The following ARMC2 variants were observed in gnomAD, a reference collection of about 807,000 sequenced individuals.
ARMC2 encodes the protein armadillo repeat containing 2.
A neutral mutation model predicts 90.3 loss-of-function variants in ARMC2; 67 were observed. The observed-to-expected ratio is 0.74, with a 90% CI of 0.61 to 0.91. The LOEUF is 0.91. Among genes scored for constraint, ARMC2 ranks in the 40% least tolerant of loss-of-function variants. ARMC2 has a pLI of 0.00. For missense variants in ARMC2, 920 were observed against 1,030.9 expected, an observed-to-expected ratio of 0.89 and a Z score of 1.47; for synonymous variants, 393 against 393.0, an observed-to-expected ratio of 1.00 and a Z score of 0.00.
chr6:109,026,861 A>G, the ARMC2 span, among the ~76,000 whole-genome samples: 2 of 152,016 alleles, frequency 1.3e-5, no homozygotes, highest in East Asian at 1.9e-4. Context: ...ACCATTTTAT[A>G]TTATCACCCA....
At chr6:109,039,284 A>T in the ARMC2 span, among the ~76,000 whole-genome samples, 7 of 152,378 alleles carry the variant, frequency 4.6e-5, no homozygotes, top group African/African-American at 1.7e-4. Context: ...TTTGTATGGA[A>T]TATAAATTGT....
chr6:109,009,136 T>A, the ARMC2 span: 21 of 686,116 alleles, frequency 3.1e-5, no homozygotes, highest in Non-Finnish European at 4.3e-5. Context: ...CGACTCACGG[T>A]GCGCAGGTCT....
chr6:109,006,342 A>G, the ARMC2 span, among the ~76,000 whole-genome samples: 2 of 152,152 alleles, frequency 1.3e-5, no homozygotes, highest in Admixed American at 1.3e-4. Flanking sequence ...GTACATGTGC[A>G]CAATGTGCAG....
chr6:109,006,453 CCT>C, the ARMC2 span, among the ~76,000 whole-genome samples: 2 of 142,852 alleles, frequency 1.4e-5, no homozygotes, highest in Non-Finnish European at 3.1e-5. Flanking sequence ...CCCCCCACCC[CCT>C]ACCCCACGAC....
intron 8 of ARMC2, among the ~76,000 whole-genome samples, chr6:108,906,022 G>GA (rs1483583849): frequency 6.6e-6 from 1 of 152,116 alleles, no homozygotes; most frequent in African/African-American, 2.4e-5. Flanking sequence ...TGTTGAAGAA[G>GA]AAAAAATCAG....
the ARMC2 span, among the ~76,000 whole-genome samples, chr6:109,003,979 A>G: frequency 6.6e-6 from 1 of 152,310 alleles, no homozygotes; most frequent in South Asian, 2.1e-4. Flanking sequence ...AGGGTTTATT[A>G]CTGTTTTATA....
the ARMC2 span, among the ~76,000 whole-genome samples, chr6:109,022,742 C>T: frequency 6.6e-6 from 1 of 151,920 alleles, no homozygotes; most frequent in Non-Finnish European, 1.5e-5. Flanking sequence ...TATTTTAACT[C>T]ATTTAACTAT....
At chr6:108,955,223 A>G (rs1432746360) in intron 13 of ARMC2, among the ~76,000 whole-genome samples, 1 of 152,164 alleles carries the variant, frequency 6.6e-6, no homozygotes, top group East Asian at 1.9e-4. Context: ...GGAGGCTGGT[A>G]TGTGCTTTCA....
chr6:109,000,346 C>A, the ARMC2 span: 1 of 521,840 alleles, frequency 1.9e-6, no homozygotes, highest in Non-Finnish European at 3.2e-6. Context: ...AATGCTGTAA[C>A]AGAAGAAAAT....
intron 12 of ARMC2, among the ~76,000 whole-genome samples, chr6:108,941,877 G>A (rs964203397): frequency 1.3e-5 from 2 of 152,110 alleles, no homozygotes; most frequent in African/African-American, 4.8e-5. Flanking sequence ...TTGAAATGTT[G>A]TAGTTTTAAG....
At position 108,887,653 on chromosome 6, in the gene ARMC2, TA is replaced by T. The variant is rs1007285333; in HGVS notation, c.672-6813del. Among the ~76,000 whole-genome samples, 2 of 152,178 alleles carry T rather than the reference TA, an allele frequency of 1.3e-5. 1 individual carries two copies. The highest frequency in any genetic ancestry group is 4.8e-5 in the African/African-American group (2 of 41,438). ...ATTTATTGTTTAAATCCATTGAAAT[TA>T]GGTTTTTGTTATTTGTCGATCAAGA... is the stretch of plus-strand genomic sequence containing the variant. On this transcript the variant is annotated intron_variant, in intron 5 of 17. Transcript: ENST00000392644.
chr6:108,900,754 G>A (rs554053677), intron 7 of ARMC2, among the ~76,000 whole-genome samples: 30 of 152,250 alleles, frequency 2.0e-4, no homozygotes, highest in Non-Finnish European at 4.4e-5. Flanking sequence ...CTCGCCAAGC[G>A]TATGGCCATG....
At chr6:108,983,491 A>G in the ARMC2 span, among the ~76,000 whole-genome samples, 28,393 of 152,124 alleles carry the variant, frequency 0.19, 3,171 homozygotes, top group African/African-American at 0.31. Context: ...TCCTAGCACC[A>G]TTTGTTAAAG....
At chr6:109,028,579 A>G in the ARMC2 span, among the ~76,000 whole-genome samples, 1 of 152,194 alleles carries the variant, frequency 6.6e-6, no homozygotes, top group Non-Finnish European at 1.5e-5. Flanking sequence ...CTTCCGGGCA[A>G]TACTAGGGGG....
chr6:108,988,753 T>C, the ARMC2 span: 66 of 1,289,584 alleles, frequency 5.1e-5, no homozygotes, highest in South Asian at 9.5e-4. Context: ...CTTACAAAAG[T>C]ATACACATCA....
chr6:108,994,559 C>T, the ARMC2 span: 1 of 1,613,564 alleles, frequency 6.2e-7, no homozygotes, highest in Non-Finnish European at 8.5e-7. Flanking sequence ...ATTCCTGTAA[C>T]TGCCTCATCT....
the ARMC2 span, among the ~76,000 whole-genome samples, chr6:109,051,476 A>AAATAGGGTCC: frequency 6.6e-6 from 1 of 152,190 alleles, no homozygotes; most frequent in Non-Finnish European, 1.5e-5. Flanking sequence ...GTAACCCTTT[A>AAATAGGGTCC]AGGAATGTTT....
chr6:108,909,282 T>C (rs192820905), intron 8 of ARMC2, among the ~76,000 whole-genome samples: 39 of 152,034 alleles, frequency 2.6e-4, no homozygotes, highest in Admixed American at 6.5e-5. Context: ...TTCACAGTTA[T>C]GCTTTTTTGT....
At chr6:108,916,202 C>T (rs1002520315) in intron 10 of ARMC2, among the ~76,000 whole-genome samples, 1 of 152,200 alleles carries the variant, frequency 6.6e-6, no homozygotes, top group Non-Finnish European at 1.5e-5. Flanking sequence ...TCAAGAGACA[C>T]TCATTTCACA....
Sources: gnomAD v4.1 joint callset for allele counts (sites outside exome capture counted in the v4.1 genomes callset) on GRCh38, gnomAD v4.1.1 for gene constraint, MANE v1.5 for transcripts, NCBI Gene and HGNC (gene_info 2026-07-23, HGNC 2026-07-21) for gene names.